Variants in SLC24A3 observed in about 807,000 individuals in gnomAD.
The protein encoded by SLC24A3 is solute carrier family 24 member 3.
In SLC24A3, 28 loss-of-function variants were observed where a neutral mutation model predicts 75.8. That is an observed-to-expected ratio of 0.37 (90% CI 0.27 to 0.51). The LOEUF is 0.51. Ranked by LOEUF, SLC24A3 falls within the 20% of genes least tolerant of loss-of-function variation. The pLI, the probability that SLC24A3 is intolerant of heterozygous loss-of-function variation, is 0.94. For missense variants in SLC24A3, 663 were observed against 847.8 expected (o/e 0.78, Z 2.71); for synonymous variants, 372 against 334.1 (o/e 1.11, Z -1.24).
intron 15 of SLC24A3, among the ~76,000 whole-genome samples, chr20:19,699,950 A>G (rs1234572356): frequency 2.6e-5 from 4 of 152,164 alleles, no homozygotes; most frequent in African/African-American, 9.7e-5. Context: ...GATCGTGACA[A>G]ATTGGTACAG....
At chr20:19,376,694 C>T (rs192145146) in intron 2 of SLC24A3, among the ~76,000 whole-genome samples, 3 of 151,848 alleles carry the variant, frequency 2.0e-5, no homozygotes, top group Non-Finnish European at 4.4e-5. Context: ...GTCCCTTTAA[C>T]ACTGCTGTGA....
At chr20:19,581,761 C>T (rs1238481562) in intron 4 of SLC24A3, among the ~76,000 whole-genome samples, 1 of 152,160 alleles carries the variant, frequency 6.6e-6, no homozygotes, top group Non-Finnish European at 1.5e-5. Flanking sequence ...GGGATAGAGT[C>T]ACTATTTGAG....
chr20:19,692,738 A>C (rs2032758010), intron 12 of SLC24A3, among the ~76,000 whole-genome samples: 1 of 152,104 alleles, frequency 6.6e-6, no homozygotes, highest in Non-Finnish European at 1.5e-5. Context: ...GTCTAGGGAG[A>C]GCCTTCAAAT....
chr20:19,684,404 T>A, intron 11 of SLC24A3, 68 bp downstream of exon 11: 1 of 1,508,692 alleles, frequency 6.6e-7, no homozygotes, highest in East Asian at 2.4e-5. Context: ...GAGAGAAGGT[T>A]TCTTGTTTGA....
Position 19,318,000 on chromosome 20 carries a change from C to A in SLC24A3, c.271+36913C>A, listed in dbSNP as rs200857166. ...AAAGGCTTTCTTTGGAGGCCAGAGT[C>A]CACACTGCTTTGTGCATGGCAGGCT... On this transcript the variant is annotated intron_variant, in intron 2 of 16. Transcript: ENST00000328041. Among the ~76,000 whole-genome samples the A allele has an allele frequency of 1.1e-4, 16 of 152,328 alleles. No homozygotes were observed. The East Asian group carries it at 2.9e-3, about 28-fold the overall frequency.
chr20:19,478,965 T>C (rs1988006378), intron 2 of SLC24A3, among the ~76,000 whole-genome samples: 2 of 152,214 alleles, frequency 1.3e-5, no homozygotes, highest in Non-Finnish European at 2.9e-5. Flanking sequence ...AGCGAAGCAT[T>C]GTTCTTGTTC....
At chr20:19,615,665 AC>A (rs1248962243) in intron 6 of SLC24A3, among the ~76,000 whole-genome samples, 6 of 152,246 alleles carry the variant, frequency 3.9e-5, no homozygotes, top group African/African-American at 1.4e-4. Context: ...AGCTACCAGC[AC>A]CAGAACAAAA....
chr20:19,673,053 T>G (rs1326812879), intron 8 of SLC24A3, among the ~76,000 whole-genome samples: 2 of 152,122 alleles, frequency 1.3e-5, no homozygotes, highest in Non-Finnish European at 2.9e-5. Context: ...TCTAGCAGGT[T>G]TTTCTTTTCT....
intron 2 of SLC24A3, among the ~76,000 whole-genome samples, chr20:19,497,093 T>C (rs547281030): frequency 6.6e-6 from 1 of 152,192 alleles, no homozygotes; most frequent in Admixed American, 6.5e-5. Context: ...AATGTGCACA[T>C]GATAAAAAAG....
intron 2 of SLC24A3, among the ~76,000 whole-genome samples, chr20:19,393,229 G>T (rs1448876673): frequency 6.6e-6 from 1 of 152,114 alleles, no homozygotes; most frequent in African/African-American, 2.4e-5. Context: ...AAGACTGAAA[G>T]CGTTTTTCCT....
At chr20:19,570,792 A>G (rs1337147216) in intron 3 of SLC24A3, among the ~76,000 whole-genome samples, 2 of 152,138 alleles carry the variant, frequency 1.3e-5, no homozygotes, top group African/African-American at 4.8e-5. Flanking sequence ...TATTGCCTGT[A>G]TTCATAGTGG....
chr20:19,486,183 AGTCCATG>A, intron 2 of SLC24A3, among the ~76,000 whole-genome samples: 1 of 152,196 alleles, frequency 6.6e-6, no homozygotes, highest in South Asian at 2.1e-4. Flanking sequence ...TCTCCCTTCT[AGTCCATG>A]GTACTAAGTA....
chr20:19,313,785 C>T (rs1248796833), intron 2 of SLC24A3, among the ~76,000 whole-genome samples: 1 of 152,178 alleles, frequency 6.6e-6, no homozygotes, highest in African/African-American at 2.4e-5. Flanking sequence ...GCAAGTTTCT[C>T]TTGTGCTTGA....
chr20:19,376,478 C>T (rs1175405942), intron 2 of SLC24A3, among the ~76,000 whole-genome samples: 2 of 152,154 alleles, frequency 1.3e-5, no homozygotes, highest in Admixed American at 6.5e-5. Flanking sequence ...GTATCTGTAC[C>T]GTAGCGTGGA....
chr20:19,429,240 T>C (rs149574446), intron 2 of SLC24A3, among the ~76,000 whole-genome samples: 45 of 152,364 alleles, frequency 3.0e-4, no homozygotes, highest in African/African-American at 1.0e-3. Flanking sequence ...TCTGTTATCA[T>C]TGAGAAAAGA....
intron 2 of SLC24A3, among the ~76,000 whole-genome samples, chr20:19,461,502 T>C (rs1026917129): frequency 6.6e-5 from 10 of 151,688 alleles, no homozygotes; most frequent in Non-Finnish European, 1.5e-4. Flanking sequence ...CAGATACTTG[T>C]CTACGTCCTT....
chr20:19,519,814 C>A (rs1370999939), intron 3 of SLC24A3, among the ~76,000 whole-genome samples: 1 of 152,184 alleles, frequency 6.6e-6, no homozygotes, highest in African/African-American at 2.4e-5. Flanking sequence ...CCCCATGACA[C>A]AAATAGCTGA....
chr20:19,242,526 A>G (rs1458775477), intron 1 of SLC24A3: 1 of 152,220 alleles, frequency 6.6e-6, no homozygotes, highest in Non-Finnish European at 1.5e-5. Flanking sequence ...ATCTGAAAGT[A>G]CAGGGCAGTT....
Position 19,280,980 on chromosome 20 carries a change from T to G in SLC24A3, c.164T>G (p.Val55Gly). ...CCAGAGCTTGACCTCATGGACCTCG[T>G]AGGGGAAGACAGAAAGTGGATGATG... ...EQKELDLMDL[V>G]GEDRKWMMAR... Residue 55 changes from valine (V) to glycine (G), a missense_variant, in exon 2 of 17, where the codon GTA (valine) becomes GGA (glycine). This residue lies in a region of SLC24A3 where 153 missense variants were observed against 144.2 expected (regional missense o/e 1.06). Transcript: ENST00000328041. The G allele has an allele frequency of 6.2e-7, 1 of 1,613,864 alleles. No individual in the cohort carries two copies. Among genetic ancestry groups the G allele is most frequent in the Non-Finnish European group, 8.5e-7 (1 of 1,179,882 alleles).
Sources: allele counts gnomAD v4.1 joint callset (sites outside exome capture counted in the v4.1 genomes callset), GRCh38; gene constraint gnomAD v4.1.1; regional missense constraint gnomAD v4.1.1; transcripts MANE v1.5; gene names NCBI Gene and HGNC (gene_info 2026-07-23, HGNC 2026-07-21).